Variants in ANKRD17 observed in about 807,000 individuals in gnomAD.
ANKRD17 encodes ankyrin repeat domain-containing protein 17.
In ANKRD17, 19 loss-of-function variants were observed where a neutral mutation model predicts 229.7. The observed-to-expected ratio is 0.08, with a 90% CI of 0.06 to 0.12. The LOEUF (loss-of-function observed/expected upper bound fraction) is 0.12. ANKRD17 is among the 10% of genes least tolerant of loss of function. The pLI, the probability that ANKRD17 is intolerant of heterozygous loss-of-function variation, is 1.00. For missense variants in ANKRD17, 2,176 were observed against 3,176.8 expected (o/e 0.68, Z 7.57); for synonymous variants, 1,112 against 1,146.1 (o/e 0.97, Z 0.60).
chr4:73,250,589 C>CAAAAAAAAAAAAAAAAAAAAAAAAAAA lies in ANKRD17; in HGVS notation c.393+7686_393+7687insTTTTTTTTTTTTTTTTTTTTTTTTTTT, dbSNP rs35160047. Among the ~76,000 whole-genome samples, 3 of 29,410 alleles carry CAAAAAAAAAAAAAAAAAAAAAAAAAAA rather than the reference C, an allele frequency of 1.0e-4. 1 individual carries two copies. The highest frequency in any genetic ancestry group is 5.1e-4 in the African/African-American group (3 of 5,940). 19.3% of individuals were successfully genotyped at this position (29,410 alleles called of 152,430 possible). ...CACTCCAGCATAGATGACCTTGTCT[C>CAAAAAAAAAAAAAAAAAAAAAAAAAAA]AAAAAAAAAAAAAAAAAAAAAAAAA... On this transcript the variant is annotated intron_variant, in intron 1 of 33. Transcript: ENST00000358602.
intron 28 of ANKRD17, among the ~76,000 whole-genome samples, chr4:73,093,722 G>C (rs567701220): frequency 6.6e-6 from 1 of 152,076 alleles, no homozygotes; most frequent in Non-Finnish European, 1.5e-5. Context: ...AAATCTCAAA[G>C]GTTATTTGAG....
At chr4:73,120,070 A>G (rs1002607802) in intron 21 of ANKRD17, 92 bp downstream of exon 21, 9 of 1,370,284 alleles carry the variant, frequency 6.6e-6, no homozygotes, top group Non-Finnish European at 9.3e-6. Context: ...AAATAATCAC[A>G]TTTGATTTTT....
At chr4:73,111,073 G>A (rs1263051239) in intron 24 of ANKRD17, among the ~76,000 whole-genome samples, 1 of 152,118 alleles carries the variant, frequency 6.6e-6, no homozygotes, top group African/African-American at 2.4e-5. Flanking sequence ...ATACAGTAGT[G>A]CCCCCTTATC....
chr4:73,251,044 G>A (rs1032592536), intron 1 of ANKRD17, among the ~76,000 whole-genome samples: 1 of 152,092 alleles, frequency 6.6e-6, no homozygotes, highest in Non-Finnish European at 1.5e-5. Flanking sequence ...CCTGCGGCAG[G>A]AGGATCACTT....
chr4:73,144,733 A>G lies in ANKRD17; in HGVS notation c.1957+12T>C. On this transcript the variant is annotated intron_variant, in intron 11 of 33. Coordinates refer to ENST00000358602, the MANE Select transcript of ANKRD17 (RefSeq NM_032217.5). ...CCTTTCAAAAAAAGACAACTGTTTT[A>G]TACAAACCTACCTTTACTAATTAAG... 6.5e-7 allele frequency: 1 copy of G among 1,534,156 alleles called. No individual in the cohort carries two copies.
chr4:73,142,758 A>G lies in ANKRD17; in HGVS notation c.1967T>C (p.Val656Ala), dbSNP rs1729770061. ...GTCATTATTAGCTGTGGTTCTATTC[A>G]CATTCGCTCCTAAAACAGAAAAGGC... ...VQFLISKGANVNRTTANNDHT... is the reference protein window; with the variant it reads ...VQFLISKGANANRTTANNDHT... The change falls in exon 12 of 34, where the codon GTG becomes GCG. Residue 656 changes from valine to alanine, a missense_variant. Around this residue, in one of 18 missense-constraint regions of ANKRD17, gnomAD observed 275 missense variants for 386.9 expected, o/e 0.71. Coordinates refer to ENST00000358602, the MANE Select transcript of ANKRD17 (RefSeq NM_032217.5). 6.2e-7 allele frequency: 1 copy of G among 1,609,032 alleles called. No homozygotes were observed.
chr4:73,177,167 T>A (rs971513097), intron 2 of ANKRD17, among the ~76,000 whole-genome samples: 1 of 152,206 alleles, frequency 6.6e-6, no homozygotes, highest in Admixed American at 6.6e-5. Context: ...CTTTGTAAGG[T>A]CAACTGTAGC....
chr4:73,091,484 T>C lies in ANKRD17; in HGVS notation c.6144A>G (p.Pro2048=), dbSNP rs1722792937. ...TAGAAACCCCTCCTGGCTGGGCTGGTGGTGATGGGGAAGATGGGGATGATA... is the reference window on the plus strand; with the variant it reads ...TAGAAACCCCTCCTGGCTGGGCTGGCGGTGATGGGGAAGATGGGGATGATA... The part of the protein sequence containing the change: ...YPVSSPSSPS[P]PAQPGGVSRN... Residue 2048 remains proline (P), a synonymous_variant, in exon 29 of 34, where the codon CCA becomes CCG. Coordinates refer to ENST00000358602, the MANE Select transcript of ANKRD17 (RefSeq NM_032217.5). The C allele has an allele frequency of 6.2e-7, 1 of 1,613,854 alleles. No individual in the cohort carries two copies. Among genetic ancestry groups the C allele is most frequent in the African/African-American group, 1.3e-5 (1 of 74,838 alleles).
At chr4:73,257,072 G>A (rs1285507380) in intron 1 of ANKRD17, among the ~76,000 whole-genome samples, 1 of 152,220 alleles carries the variant, frequency 6.6e-6, no homozygotes, top group African/African-American at 2.4e-5. Context: ...GTTTGTGGAA[G>A]AGAATAAATA....
intron 1 of ANKRD17, among the ~76,000 whole-genome samples, chr4:73,178,541 T>C (rs1161743916): frequency 6.6e-6 from 1 of 152,164 alleles, no homozygotes; most frequent in African/African-American, 2.4e-5. Flanking sequence ...GTACAGTTTG[T>C]TTCCATGGCC....
At chr4:73,150,418 T>C (rs1013417681) in intron 7 of ANKRD17, among the ~76,000 whole-genome samples, 1 of 152,212 alleles carries the variant, frequency 6.6e-6, no homozygotes, top group African/African-American at 2.4e-5. Flanking sequence ...TTTAAAACTG[T>C]TACTGTTAAT....
intron 1 of ANKRD17, among the ~76,000 whole-genome samples, chr4:73,215,816 A>G (rs993898537): frequency 6.6e-6 from 1 of 152,210 alleles, no homozygotes; most frequent in Non-Finnish European, 1.5e-5. Context: ...AGGGCTATGA[A>G]AATAGTTTTT....
intron 5 of ANKRD17, among the ~76,000 whole-genome samples, chr4:73,154,741 T>TA (rs1281267072): frequency 2.6e-5 from 4 of 151,730 alleles, no homozygotes; most frequent in Admixed American, 2.0e-4. Flanking sequence ...AACATGACCT[T>TA]AAAAAACATT....
chr4:73,190,451 A>C (rs1736901442), intron 1 of ANKRD17, among the ~76,000 whole-genome samples: 1 of 152,034 alleles, frequency 6.6e-6, no homozygotes, highest in African/African-American at 2.4e-5. Context: ...CATCCCATTT[A>C]AATCGGGGAC....
At chr4:73,094,031 T>C (rs1434852261) in intron 28 of ANKRD17, 48 bp downstream of exon 28, 3 of 1,576,076 alleles carry the variant, frequency 1.9e-6, no homozygotes. Context: ...TTCATTAAGC[T>C]ATAGTGCAAT....
chr4:73,106,108 T>G (rs561943584), intron 24 of ANKRD17, among the ~76,000 whole-genome samples: 8 of 152,184 alleles, frequency 5.3e-5, no homozygotes, highest in Admixed American at 1.3e-4. Context: ...TTAGTGTGTG[T>G]GGGGGAGGTT....
rs1177320903 is a variant in ANKRD17, at chr4:73,118,210, CTT to C, written c.4188+476_4188+477del. Among the ~76,000 whole-genome samples the C allele has an allele frequency of 1.4e-3, 217 of 152,072 alleles. 1 individual carries two copies. Among genetic ancestry groups the C allele is most frequent in the African/African-American group, 4.9e-3 (202 of 41,482 alleles). On this transcript the variant is annotated intron_variant, in intron 22 of 33. Transcript: ENST00000358602. ...TTTTATAATTTTTGTAGAGGCAGGG[CTT>C]CGCTACATCTGCCTGCCTTGGCCTC...
intron 1 of ANKRD17, among the ~76,000 whole-genome samples, chr4:73,197,047 G>A (rs1300153788): frequency 6.6e-6 from 1 of 152,072 alleles, no homozygotes; most frequent in Non-Finnish European, 1.5e-5. Flanking sequence ...TAGTCATTCA[G>A]AACCCAGGAC....
chr4:73,203,957 G>T (rs1373818608), intron 1 of ANKRD17, among the ~76,000 whole-genome samples: 9 of 151,906 alleles, frequency 5.9e-5, no homozygotes, highest in Non-Finnish European at 1.3e-4. Flanking sequence ...CCATGGGGGG[G>T]AAAAAACCAT....
Sources: gnomAD v4.1 joint callset for allele counts (sites outside exome capture counted in the v4.1 genomes callset) on GRCh38, gnomAD v4.1.1 for gene constraint, gnomAD v4.1.1 regional missense constraint, MANE v1.5 for transcripts, NCBI Gene and HGNC (gene_info 2026-07-23, HGNC 2026-07-21) for gene names.